Variants in LPCAT1 observed in about 807,000 individuals in gnomAD.
The protein encoded by LPCAT1 is 1-acylglycerol-3-phosphate O-acyltransferase.
A neutral mutation model predicts 60.9 loss-of-function variants in LPCAT1; 23 were observed. The ratio of observed to expected loss-of-function variants is 0.38; its 90% CI spans 0.27 to 0.53. The LOEUF (loss-of-function observed/expected upper bound fraction) is 0.53, where lower values mean the gene tolerates loss of function less well. Among genes scored for constraint, LPCAT1 ranks in the 20% least tolerant of loss-of-function variants. The pLI, the probability that LPCAT1 is intolerant of heterozygous loss-of-function variation, is 0.82. For missense variants in LPCAT1, 622 were observed against 723.6 expected, an observed-to-expected ratio of 0.86 and a Z score of 1.61; for synonymous variants, 340 against 301.1, an observed-to-expected ratio of 1.13 and a Z score of -1.34.
rs145298788 is a variant in LPCAT1 at position 1,470,322 on chromosome 5, G to A, written c.1278+504C>T. ...CCCCACTCAGCCCCCAGGGAGCAGC[G>A]ACTCCCTGTGGTGAGGCAAGTCCTG... is the stretch of plus-strand genomic sequence containing the variant. On this transcript the variant is annotated intron_variant, in intron 12 of 13. Transcript: ENST00000283415. 2.9e-3 allele frequency among the ~76,000 whole-genome samples: 448 copies of A among 152,358 alleles called. 6 individuals carry two copies. The East Asian group carries it at 0.041, about 14-fold the overall frequency.
At chr5:1,518,143 C>G (rs1736562285) in intron 1 of LPCAT1, among the ~76,000 whole-genome samples, 2 of 152,220 alleles carry the variant, frequency 1.3e-5, no homozygotes, top group Non-Finnish European at 2.9e-5. Context: ...CTGGGTCCCA[C>G]AGGGTGGGGG....
chr5:1,502,010 T>A lies in LPCAT1; in HGVS notation c.136-407A>T, dbSNP rs528635308. On this transcript the variant is annotated intron_variant, in intron 1 of 13. Transcript: ENST00000283415. The surrounding 1 kb of genome is among the most constrained non-coding windows in gnomAD (Gnocchi z 5.5). The stretch of plus-strand genomic sequence containing the variant: ...TGGCACTGACCAAGGCTGACCAACA[T>A]TGACCGGCACTGACCAAGGCTGACC... Among the ~76,000 whole-genome samples, 1 of 150,892 alleles carries A rather than the reference T, an allele frequency of 6.6e-6. No individual in the cohort carries two copies. Among genetic ancestry groups the A allele is most frequent in the Non-Finnish European group, 1.5e-5 (1 of 67,666 alleles).
At position 1,480,341 on chromosome 5, in the gene LPCAT1, A is replaced by C. The variant is rs749446479; in HGVS notation, c.761+601T>G. ...AGCACCAGCGGACCCACATCCTCCC[A>C]AACGCCTGGAATGGAGCTGCTCTCT... On this transcript the variant is annotated intron_variant, in intron 7 of 13. Transcript: ENST00000283415. This position sits in a 1 kb window ranked among gnomAD's most constrained non-coding sequence, Gnocchi z 6.4. 19 of 984,692 alleles carry C rather than the reference A, an allele frequency of 1.9e-5. No homozygotes were observed. The highest frequency in any genetic ancestry group is 2.3e-5 in the Non-Finnish European group (19 of 829,768). The allele number at this position is 984,692 out of a possible 1,614,324, so 61.0% of individuals were successfully genotyped here.
chr5:1,483,413 A>G lies in LPCAT1; in HGVS notation c.726+15T>C, dbSNP rs552438792. 136 of 1,613,672 alleles carry G rather than the reference A, an allele frequency of 8.4e-5. No homozygotes were observed. The South Asian group carries it at 1.3e-3, about 15-fold the overall frequency. ...GAATTCCCCTGGAAGCTGACCCCAA[A>G]AAAACACAACTCACCAGTTTATTTG... On this transcript the variant is annotated intron_variant, in intron 6 of 13. Coordinates refer to ENST00000283415, the MANE Select transcript of LPCAT1 (RefSeq NM_024830.5). The surrounding 1 kb of genome is among the most constrained non-coding windows in gnomAD (Gnocchi z 9.2).
intron 3 of LPCAT1, among the ~76,000 whole-genome samples, chr5:1,491,464 C>T (rs1401314234): frequency 6.9e-5 from 10 of 144,186 alleles, no homozygotes; most frequent in East Asian, 2.1e-4. Context: ...GACGTGGGGG[C>T]GTTTCACACT....
chr5:1,471,027 T>C (rs920035040), intron 11 of LPCAT1, 103 bp from the exon 12 acceptor site: 2 of 859,826 alleles, frequency 2.3e-6, no homozygotes, highest in Admixed American at 2.4e-5. Flanking sequence ...CCAGTCCCAC[T>C]CTCACTCGGG....
chr5:1,471,652 C>T (rs1168432468), intron 11 of LPCAT1, among the ~76,000 whole-genome samples: 1 of 151,036 alleles, frequency 6.6e-6, no homozygotes, highest in Non-Finnish European at 1.5e-5. Flanking sequence ...GGAGGGAGGA[C>T]TCCCTGGTCA....
At position 1,521,001 on chromosome 5, in the gene LPCAT1, A is replaced by G. The variant is rs562476973; in HGVS notation, c.135+2709T>C. On this transcript the variant is annotated intron_variant, in intron 1 of 13. Coordinates refer to ENST00000283415, the MANE Select transcript of LPCAT1 (RefSeq NM_024830.5). This position sits in a 1 kb window ranked among gnomAD's most constrained non-coding sequence, Gnocchi z 4.3. ...AACCCTGGGTGACAGAAACCACTTC[A>G]TGACTCCAAAACGATATATGAATGT... 1.8e-4 allele frequency among the ~76,000 whole-genome samples: 28 copies of G among 152,302 alleles called. No homozygotes were observed. The highest frequency in any genetic ancestry group is 4.6e-4 in the Admixed American group (7 of 15,308).
intron 1 of LPCAT1, among the ~76,000 whole-genome samples, chr5:1,508,565 C>T (rs550733267): frequency 1.3e-5 from 2 of 152,180 alleles, no homozygotes; most frequent in East Asian, 1.9e-4. Context: ...AGCCCTGCTG[C>T]GCCTCGGTCT....
intron 2 of LPCAT1, among the ~76,000 whole-genome samples, chr5:1,498,938 C>CACAT (rs1464283324): frequency 5.2e-4 from 79 of 152,220 alleles, no homozygotes; most frequent in African/African-American, 1.8e-3. Context: ...TACACACATA[C>CACAT]ACACCCTCTC....
intron 3 of LPCAT1, among the ~76,000 whole-genome samples, chr5:1,491,375 G>A (rs370228279): frequency 2.7e-5 from 4 of 147,792 alleles, no homozygotes; most frequent in East Asian, 3.9e-4. Flanking sequence ...TGCCACCTTC[G>A]CAATCCTGTC....
chr5:1,468,286 C>G (rs951114565), intron 12 of LPCAT1, among the ~76,000 whole-genome samples: 1 of 152,254 alleles, frequency 6.6e-6, no homozygotes, highest in African/African-American at 2.4e-5. Context: ...GTCTACGTTT[C>G]TCTCCTGCTT....
At position 1,470,798 on chromosome 5, in the gene LPCAT1, G is replaced by A. The variant is rs1476433430; in HGVS notation, c.1278+28C>T. On this transcript the variant is annotated intron_variant, in intron 12 of 13. Coordinates refer to ENST00000283415, the MANE Select transcript of LPCAT1 (RefSeq NM_024830.5). The stretch of plus-strand genomic sequence containing the variant: ...CGTGACTGCACCGCCCTGTCCCCCA[G>A]TCAAACCCATGTGAACTCTGCACTC... 3.8e-6 allele frequency: 6 copies of A among 1,592,944 alleles called. No individual in the cohort carries two copies. The African/African-American group carries it at 8.1e-5, about 21-fold the overall frequency.
rs1241112112 is a variant in LPCAT1 at position 1,462,829 on chromosome 5, CA to C, written c.*821del. The C allele has an allele frequency of 6.6e-6, 1 of 152,018 alleles. No homozygotes were observed. Among genetic ancestry groups the C allele is most frequent in the Non-Finnish European group, 1.5e-5 (1 of 68,004 alleles). 9.4% of individuals were successfully genotyped at this position (152,018 alleles called of 1,614,324 possible). On this transcript the variant is annotated 3_prime_UTR_variant, in exon 14 of 14. Transcript: ENST00000283415. ...TGCCGAAACAGAAACATCAAACTGC[CA>C]ACGTTTATAAAAAAAGAGGGGACTG...
chr5:1,509,049 T>C (rs893832652), intron 1 of LPCAT1, among the ~76,000 whole-genome samples: 4 of 152,216 alleles, frequency 2.6e-5, no homozygotes, highest in Admixed American at 6.5e-5. Flanking sequence ...CTGCGGCCCC[T>C]CCGAGCCCAC....
chr5:1,464,969 C>T (rs1419936682), intron 13 of LPCAT1, among the ~76,000 whole-genome samples: 5 of 151,154 alleles, frequency 3.3e-5, no homozygotes, highest in Admixed American at 6.6e-5. Flanking sequence ...CACACATGCA[C>T]GCACACATAC....
intron 1 of LPCAT1, among the ~76,000 whole-genome samples, chr5:1,516,846 G>A (rs1361951043): frequency 6.6e-6 from 1 of 152,178 alleles, no homozygotes; most frequent in African/African-American, 2.4e-5. Context: ...CACAGCAGAG[G>A]AAAGACCACA....
At chr5:1,472,613 C>T (rs7449122) in intron 11 of LPCAT1, among the ~76,000 whole-genome samples, 9 of 152,186 alleles carry the variant, frequency 5.9e-5, no homozygotes, top group South Asian at 4.1e-4. Context: ...TACCTCGGAA[C>T]GCTGCCTGTG....
At chr5:1,469,504 C>T (rs1484997628) in intron 12 of LPCAT1, among the ~76,000 whole-genome samples, 3 of 152,188 alleles carry the variant, frequency 2.0e-5, no homozygotes, top group Non-Finnish European at 4.4e-5. Context: ...GAACGGGGGG[C>T]GGTGGCTCAT....
Sources: allele counts gnomAD v4.1 joint callset (sites outside exome capture counted in the v4.1 genomes callset), GRCh38; gene constraint gnomAD v4.1.1; non-coding constraint Gnocchi (gnomAD v3.1); transcripts MANE v1.5; gene names NCBI Gene and HGNC (gene_info 2026-07-23, HGNC 2026-07-21).